UBXN7: variants seen among roughly 807,000 people sequenced by gnomAD.
UBXN7 encodes the protein UBX domain protein 7.
A neutral mutation model predicts 58.0 loss-of-function variants in UBXN7; 9 were observed. That is an observed-to-expected ratio of 0.16 (90% CI 0.09 to 0.27). The LOEUF is 0.27. Ranked by LOEUF, UBXN7 falls within the 10% of genes least tolerant of loss-of-function variation. UBXN7 has a pLI of 1.00. For missense variants in UBXN7, 328 were observed against 599.6 expected, an observed-to-expected ratio of 0.55 and a Z score of 4.73; for synonymous variants, 208 against 205.0, an observed-to-expected ratio of 1.01 and a Z score of -0.12.
At chr3:196,417,129 C>T (rs569833131) in intron 1 of UBXN7, among the ~76,000 whole-genome samples, 47 of 152,140 alleles carry the variant, frequency 3.1e-4, no homozygotes, top group South Asian at 1.5e-3. Flanking sequence ...CTGGCTAACA[C>T]GGTGAAACCC....
intron 5 of UBXN7, among the ~76,000 whole-genome samples, chr3:196,384,532 A>T (rs144295983): frequency 0.075 from 11,365 of 152,238 alleles, 496 homozygotes; most frequent in Middle Eastern, 0.16. Context: ...CCTGATGAAC[A>T]TTGATGCGAA....
rs559912893 is a variant in UBXN7 at position 196,390,218 on chromosome 3, C to CAA, written c.468+1593_468+1594dup. 8.8e-3 allele frequency among the ~76,000 whole-genome samples: 1,273 copies of CAA among 145,194 alleles called. 15 individuals carry two copies. Among genetic ancestry groups the CAA allele is most frequent in the African/African-American group, 0.03 (1,191 of 39,592 alleles). On this transcript the variant is annotated intron_variant, in intron 5 of 10. Transcript: ENST00000296328. The stretch of plus-strand genomic sequence containing the variant: ...CAGGTGACAGAATGAGAACCTGTCT[C>CAA]AAAAAAAAAAGACAAAGAAAAGGGA...
chr3:196,361,755 A>C, intron 10 of UBXN7, 89 bp downstream of exon 10: 1 of 1,111,158 alleles, frequency 9.0e-7, no homozygotes, highest in Non-Finnish European at 1.3e-6. Context: ...TAATGTAAAC[A>C]TAACTTTTAT....
chr3:196,377,211 A>ACAG (rs1729056556), intron 5 of UBXN7, among the ~76,000 whole-genome samples: 3 of 152,200 alleles, frequency 2.0e-5, no homozygotes, highest in Admixed American at 1.3e-4. Context: ...CATACAGCTT[A>ACAG]CAGCATGGTG....
At chr3:196,371,572 C>T (rs1285372008) in intron 6 of UBXN7, among the ~76,000 whole-genome samples, 22 of 152,112 alleles carry the variant, frequency 1.4e-4, no homozygotes, top group Admixed American at 1.4e-3. Context: ...GTCTCCGCTA[C>T]CCGGGTTCAA....
intron 5 of UBXN7, among the ~76,000 whole-genome samples, chr3:196,375,781 C>A (rs1330298657): frequency 6.6e-6 from 1 of 152,206 alleles, no homozygotes; most frequent in African/African-American, 2.4e-5. Context: ...GTAATCCCAG[C>A]ACTTTGGGAG....
intron 6 of UBXN7, 88 bp from the exon 7 acceptor site, chr3:196,369,599 T>C: frequency 1.1e-6 from 1 of 881,602 alleles, no homozygotes; most frequent in Non-Finnish European, 1.8e-6. Context: ...CAATTAGCTC[T>C]CCAAATATAC....
At chr3:196,425,382 T>TA (rs555731749) in intron 1 of UBXN7, among the ~76,000 whole-genome samples, 1,838 of 141,034 alleles carry the variant, frequency 0.013, 33 homozygotes, top group South Asian at 0.085. Context: ...ACTCTTTCTT[T>TA]AAAAAAAAAA....
intron 7 of UBXN7, among the ~76,000 whole-genome samples, chr3:196,369,209 A>G (rs1251120938): frequency 1.3e-5 from 2 of 152,236 alleles, no homozygotes; most frequent in Admixed American, 1.3e-4. Flanking sequence ...GCACAAACAT[A>G]AAATACTACC....
intron 5 of UBXN7, among the ~76,000 whole-genome samples, chr3:196,372,340 TTTC>T (rs1162687814): frequency 2.0e-4 from 25 of 122,984 alleles, no homozygotes; most frequent in African/African-American, 4.1e-4. Flanking sequence ...TCTTTCTTTC[TTTC>T]TTTTTTTTTT....
chr3:196,361,889 A>T lies in UBXN7; in HGVS notation c.1263T>A (p.Asp421Glu), dbSNP rs1456296365. 6.2e-7 allele frequency: 1 copy of T among 1,613,100 alleles called. No homozygotes were observed. The highest frequency in any genetic ancestry group is 8.5e-7 in the Non-Finnish European group (1 of 1,179,676). The change falls in exon 10 of 11, where the codon GAT becomes GAA. Residue 421 changes from aspartate (D) to glutamate (E), a missense_variant. Physicochemically the swap from Asp to Glu is conservative, Grantham distance 45. Coordinates refer to ENST00000296328, the MANE Select transcript of UBXN7 (RefSeq NM_015562.2). ...GAAGAGTGATCTGTTCCCTTTTTCC[A>T]TCTGGATACCGCAACATCAGCTGTG... ...PKAQLMLRYP[D>E]GKREQITLPE...
At chr3:196,420,147 A>C (rs1346249581) in intron 1 of UBXN7, among the ~76,000 whole-genome samples, 1 of 152,236 alleles carries the variant, frequency 6.6e-6, no homozygotes, top group Non-Finnish European at 1.5e-5. Flanking sequence ...ATCTTACTAC[A>C]GTTAGAAGAA....
At chr3:196,428,223 T>G (rs1560247702) in intron 1 of UBXN7, among the ~76,000 whole-genome samples, 1 of 152,170 alleles carries the variant, frequency 6.6e-6, no homozygotes, top group African/African-American at 2.4e-5. Flanking sequence ...TCATCACTTC[T>G]CTTGGCTACC....
intron 4 of UBXN7, 22 bp downstream of exon 4, chr3:196,393,532 A>G: frequency 6.2e-7 from 1 of 1,604,560 alleles, no homozygotes; most frequent in Non-Finnish European, 8.5e-7. Flanking sequence ...GGGAGATGAT[A>G]AACTGGTCCA....
chr3:196,407,444 C>T, intron 1 of UBXN7, 51 bp from the exon 2 acceptor site: 1 of 1,205,294 alleles, frequency 8.3e-7, no homozygotes, highest in Non-Finnish European at 1.2e-6. Flanking sequence ...AAAAAAAAGA[C>T]AGCCTCTTTC....
chr3:196,375,147 G>A (rs1728975385), intron 5 of UBXN7, among the ~76,000 whole-genome samples: 1 of 150,146 alleles, frequency 6.7e-6, no homozygotes, highest in East Asian at 2.0e-4. Flanking sequence ...ATTATACATT[G>A]AAAATGTGCT....
At chr3:196,375,069 G>A (rs1728972939) in intron 5 of UBXN7, among the ~76,000 whole-genome samples, 1 of 148,222 alleles carries the variant, frequency 6.7e-6, no homozygotes, top group Admixed American at 6.7e-5. Flanking sequence ...AGGAGAGGAA[G>A]AAAGAAGAGT....
intron 1 of UBXN7, among the ~76,000 whole-genome samples, chr3:196,429,844 T>C (rs1019970700): frequency 4.6e-5 from 7 of 152,146 alleles, no homozygotes; most frequent in Non-Finnish European, 8.8e-5. Context: ...CAGATACCAC[T>C]GTCTACTGAT....
intron 1 of UBXN7, among the ~76,000 whole-genome samples, chr3:196,430,625 G>T (rs939113526): frequency 5.3e-5 from 8 of 152,022 alleles, no homozygotes; most frequent in African/African-American, 1.7e-4. Flanking sequence ...CTCGCCCCAT[G>T]TGAATCTCCA....
Sources: allele counts gnomAD v4.1 joint callset (sites outside exome capture counted in the v4.1 genomes callset), GRCh38; gene constraint gnomAD v4.1.1; transcripts MANE v1.5; gene names NCBI Gene and HGNC (gene_info 2026-07-23, HGNC 2026-07-21).